Variants in FRMD4A observed in about 807,000 individuals in gnomAD.
FRMD4A encodes FERM domain-containing protein 4A.
In FRMD4A, 29 loss-of-function variants were observed where a neutral mutation model predicts 129.1. That is an observed-to-expected ratio of 0.22 (90% CI 0.17 to 0.31). The LOEUF (loss-of-function observed/expected upper bound fraction) is 0.31, where lower values mean the gene tolerates loss of function less well. FRMD4A is among the 10% of genes least tolerant of loss of function. The pLI, the probability that FRMD4A is intolerant of heterozygous loss-of-function variation, is 1.00. For missense variants in FRMD4A, 1,272 were observed against 1,375.8 expected, an observed-to-expected ratio of 0.92 and a Z score of 1.19; for synonymous variants, 634 against 571.6, an observed-to-expected ratio of 1.11 and a Z score of -1.56.
chr10:13,767,926 G>A (rs1262408211), intron 6 of FRMD4A, among the ~76,000 whole-genome samples: 1 of 152,192 alleles, frequency 6.6e-6, no homozygotes, highest in East Asian at 1.9e-4. Context: ...AGCCCAGGGC[G>A]ATGCTGGCAG....
intron 7 of FRMD4A, 28 bp from the exon 8 acceptor site, chr10:13,761,697 GAAA>G: frequency 6.5e-7 from 1 of 1,538,160 alleles, no homozygotes; most frequent in South Asian, 1.1e-5. Context: ...CAACATCAGC[GAAA>G]TACACTAAGC....
chr10:13,861,338 G>A (rs1301925607), intron 2 of FRMD4A, among the ~76,000 whole-genome samples: 1 of 152,198 alleles, frequency 6.6e-6, no homozygotes, highest in African/African-American at 2.4e-5. Flanking sequence ...ATCCAAAGCT[G>A]TCATGAAATC....
In FRMD4A at chr10:13,933,708, G is replaced by A. The variant is rs181702981; in HGVS notation, c.46-74796C>T. Among the ~76,000 whole-genome samples the A allele has an allele frequency of 4.8e-3, 737 of 152,202 alleles. 5 individuals are homozygous for A. Among genetic ancestry groups the A allele is most frequent in the Middle Eastern group, 0.034 (10 of 294 alleles). ...CAACATAAGAAGTTTTGTTGTTTTT[G>A]TTGATATTTTGGGTAGTGGTGGCCA... On this transcript the variant is annotated intron_variant, in intron 2 of 24. Transcript: ENST00000357447.
At chr10:13,689,549 C>CTTTTTTTTTGTTTTTTTTTT (rs2085468967) in intron 15 of FRMD4A, among the ~76,000 whole-genome samples, 1 of 128,634 alleles carries the variant, frequency 7.8e-6, no homozygotes, top group African/African-American at 3.1e-5. Context: ...TTAGAAGATT[C>CTTTTTTTTTGTTTTTTTTTT]TTTTTTTTTT....
chr10:13,835,750 G>A (rs2093863255), intron 3 of FRMD4A, among the ~76,000 whole-genome samples: 1 of 152,086 alleles, frequency 6.6e-6, no homozygotes, highest in Non-Finnish European at 1.5e-5. Context: ...ATGGTAAGTT[G>A]TAGAATTATT....
At chr10:13,842,915 A>T (rs2093989360) in intron 3 of FRMD4A, among the ~76,000 whole-genome samples, 1 of 152,202 alleles carries the variant, frequency 6.6e-6, no homozygotes, top group Admixed American at 6.5e-5. Context: ...ATGTAAATGA[A>T]GGCTAAAGTA....
At chr10:14,185,871 G>GA (rs1842126891) in intron 2 of FRMD4A, among the ~76,000 whole-genome samples, 1 of 152,154 alleles carries the variant, frequency 6.6e-6, no homozygotes, top group African/African-American at 2.4e-5. Flanking sequence ...GAGTTAGAGT[G>GA]AGATAAAGTG....
intron 2 of FRMD4A, among the ~76,000 whole-genome samples, chr10:14,010,459 G>T (rs1380438687): frequency 6.6e-6 from 1 of 152,110 alleles, no homozygotes; most frequent in Non-Finnish European, 1.5e-5. Flanking sequence ...TCCCTTGGGA[G>T]GCGGGGAGAA....
At chr10:13,911,484 C>T (rs1414007186) in intron 2 of FRMD4A, among the ~76,000 whole-genome samples, 1 of 152,160 alleles carries the variant, frequency 6.6e-6, no homozygotes, top group African/African-American at 2.4e-5. Flanking sequence ...TCACCACCTG[C>T]AAGGAAATGC....
intron 2 of FRMD4A, among the ~76,000 whole-genome samples, chr10:13,884,200 ACACACACT>A (rs1345476428): frequency 0.048 from 2,656 of 55,648 alleles, 60 homozygotes; most frequent in East Asian, 0.081. Flanking sequence ...ACACACTCAC[ACACACACT>A]CACACACACA....
At chr10:13,796,698 C>G (rs2093126600) in intron 4 of FRMD4A, 110 bp from the exon 5 acceptor site, 3 of 640,718 alleles carry the variant, frequency 4.7e-6, no homozygotes, top group Non-Finnish European at 8.5e-6. Flanking sequence ...AAATTTGAAC[C>G]TTCACCTTAT....
chr10:13,766,643 C>A (rs966699035), intron 6 of FRMD4A, among the ~76,000 whole-genome samples: 6 of 152,122 alleles, frequency 3.9e-5, no homozygotes, highest in Admixed American at 2.6e-4. Flanking sequence ...GCCCAATTCC[C>A]CAATGTCACT....
chr10:13,964,906 G>A (rs61172782), intron 2 of FRMD4A, among the ~76,000 whole-genome samples: 5,939 of 151,914 alleles, frequency 0.039, 392 homozygotes, highest in African/African-American at 0.14. Flanking sequence ...GGATGGTCTC[G>A]ATCTCTTGAC....
At chr10:14,220,219 C>A (rs7081711) in intron 2 of FRMD4A, among the ~76,000 whole-genome samples, 48,377 of 152,106 alleles carry the variant, frequency 0.32, 7,804 homozygotes, top group Admixed American at 0.35. Flanking sequence ...GGGGCTCCCA[C>A]ACACCAAGTC....
rs575721243 is a variant in FRMD4A at position 13,685,227 on chromosome 10, T to C, written c.1117+8671A>G. On this transcript the variant is annotated intron_variant, in intron 15 of 24. Coordinates refer to ENST00000357447, the MANE Select transcript of FRMD4A (RefSeq NM_018027.5). ...ATAAAATAGTTCATTTCAGAGAGCA[T>C]TGAAATTGAAGCTCTTTGAAAACCA... The C allele has an allele frequency of 2.1e-5, 21 of 984,218 alleles. 1 individual carries two copies. The highest frequency in any genetic ancestry group is 1.7e-4 in the African/African-American group (10 of 57,342). The allele number at this position is 984,218 out of a possible 1,614,324, so 61.0% of individuals were successfully genotyped here. A position where few individuals can be genotyped will look rare whatever the true frequency, so the allele number is the denominator to read the frequency against.
intron 2 of FRMD4A, among the ~76,000 whole-genome samples, chr10:13,938,168 C>A (rs1181921706): frequency 6.6e-6 from 1 of 152,114 alleles, no homozygotes; most frequent in African/African-American, 2.4e-5. Flanking sequence ...CATTATTAAG[C>A]ACTCTCAGTA....
chr10:13,656,827 C>A lies in FRMD4A; in HGVS notation c.2762G>T (p.Arg921Leu). The change falls in exon 22 of 25, where the codon CGT (arginine) becomes CTT (leucine). Residue 921 changes from arginine (R) to leucine (L), a missense_variant. Physicochemically the swap from Arg to Leu is moderately radical, Grantham distance 102 (BLOSUM62 -2). Transcript: ENST00000357447. ...GCGCAGCTCGTCTGAGACGGCGGCA[C>A]GGCCCGCGCCCTTGTCGTGGGCGCC... is the stretch of plus-strand genomic sequence containing the variant. ...REGAHDKGAG[R>L]AAVSDELRQW... 4 of 1,552,124 alleles carry A rather than the reference C, an allele frequency of 2.6e-6. No individual in the cohort carries two copies. Among genetic ancestry groups the A allele is most frequent in the Non-Finnish European group, 3.5e-6 (4 of 1,152,566 alleles).
intron 2 of FRMD4A, among the ~76,000 whole-genome samples, chr10:14,014,794 C>A (rs960714089): frequency 2.6e-5 from 4 of 152,196 alleles, no homozygotes; most frequent in Admixed American, 6.5e-5. Context: ...TGACACAGTG[C>A]GCTGTTTGCA....
chr10:14,022,822 C>T (rs1048975084), intron 2 of FRMD4A, among the ~76,000 whole-genome samples: 4 of 151,960 alleles, frequency 2.6e-5, no homozygotes, highest in Admixed American at 6.6e-5. Flanking sequence ...GGAAAGGAGA[C>T]GAAGGTGGTA....
Sources: gnomAD v4.1 joint callset for allele counts (sites outside exome capture counted in the v4.1 genomes callset) on GRCh38, gnomAD v4.1.1 for gene constraint, MANE v1.5 for transcripts, NCBI Gene and HGNC (gene_info 2026-07-23, HGNC 2026-07-21) for gene names.